EYS: variants seen among roughly 807,000 people sequenced by gnomAD.
EYS encodes EGF-like photoreceptor maintenance factor.
EYS carries 250 observed loss-of-function variants against 282.1 expected under a neutral mutation model. That is an observed-to-expected ratio of 0.89 (90% CI 0.80 to 0.98). The LOEUF (loss-of-function observed/expected upper bound fraction) is 0.98, where lower values mean the gene tolerates loss of function less well. Among genes scored for constraint, EYS ranks in the 50% least tolerant of loss-of-function variants. The pLI is 0.00. For missense variants in EYS, 4,016 were observed against 3,709.0 expected, an observed-to-expected ratio of 1.08 and a Z score of -2.15; for synonymous variants, 1,355 against 1,282.9, an observed-to-expected ratio of 1.06 and a Z score of -1.20.
intron 12 of EYS, among the ~76,000 whole-genome samples, chr6:65,150,695 C>T (rs1233277896): frequency 1.5e-5 from 1 of 66,090 alleles, no homozygotes; most frequent in Non-Finnish European, 2.9e-5. Context: ...TTTAATATCA[C>T]TCTCTAGAGC....
intron 29 of EYS, among the ~76,000 whole-genome samples, chr6:64,380,972 G>C (rs1247443124): frequency 6.7e-6 from 1 of 149,786 alleles, no homozygotes; most frequent in Admixed American, 6.7e-5. Flanking sequence ...CCGAGAAATC[G>C]TGCCACTGCA....
At chr6:65,396,506 C>T (rs1766284849) in intron 7 of EYS, among the ~76,000 whole-genome samples, 1 of 152,036 alleles carries the variant, frequency 6.6e-6, no homozygotes, top group Non-Finnish European at 1.5e-5. Context: ...TCTATAATCA[C>T]TAATTGCATA....
At chr6:64,675,145 T>G (rs914174126) in intron 22 of EYS, among the ~76,000 whole-genome samples, 19 of 152,182 alleles carry the variant, frequency 1.2e-4, no homozygotes, top group African/African-American at 4.6e-4. Flanking sequence ...CATTTTTGGC[T>G]CATTTTTTCT....
chr6:63,926,634 CAGTT>C (rs571361650), intron 35 of EYS, among the ~76,000 whole-genome samples: 118 of 152,282 alleles, frequency 7.7e-4, no homozygotes, highest in Non-Finnish European at 1.5e-3. Context: ...CACATTTTGA[CAGTT>C]AGTCCAGACA....
chr6:65,378,184 C>T (rs759798714), intron 8 of EYS, among the ~76,000 whole-genome samples: 3 of 152,088 alleles, frequency 2.0e-5, no homozygotes, highest in Non-Finnish European at 4.4e-5. Context: ...AACAAATTTA[C>T]AAGACAAAAA....
intron 5 of EYS, among the ~76,000 whole-genome samples, chr6:65,445,250 T>C (rs1432423082): frequency 6.6e-6 from 1 of 151,856 alleles, no homozygotes; most frequent in Non-Finnish European, 1.5e-5. Context: ...TTGTACTAGG[T>C]GGAAAATGAT....
At chr6:65,475,811 A>T (rs1765383550) in intron 5 of EYS, among the ~76,000 whole-genome samples, 1 of 151,852 alleles carries the variant, frequency 6.6e-6, no homozygotes, top group South Asian at 2.1e-4. Context: ...AAAGAGAGAC[A>T]TTAGCACTTT....
intron 29 of EYS, among the ~76,000 whole-genome samples, chr6:64,349,611 T>C (rs1360409468): frequency 6.6e-6 from 1 of 151,312 alleles, no homozygotes; most frequent in Admixed American, 6.6e-5. Flanking sequence ...TTTATTTAAG[T>C]TGAAAATTCT....
intron 26 of EYS, among the ~76,000 whole-genome samples, chr6:64,538,972 A>G (rs35623328): frequency 0.12 from 18,041 of 152,224 alleles, 1,340 homozygotes; most frequent in South Asian, 0.22. Flanking sequence ...GCTCTAAATT[A>G]GTGCTCTTAT....
intron 2 of EYS, among the ~76,000 whole-genome samples, chr6:65,587,061 A>G (rs1191458495): frequency 1.3e-5 from 2 of 152,202 alleles, no homozygotes; most frequent in East Asian, 3.9e-4. Context: ...TATGCATTAA[A>G]TGTTCCATAT....
chr6:64,263,025 T>C (rs1767639122), intron 30 of EYS, among the ~76,000 whole-genome samples: 1 of 151,932 alleles, frequency 6.6e-6, no homozygotes, highest in African/African-American at 2.4e-5. Flanking sequence ...TTCTGCAGGC[T>C]ATGGAAGCTT....
At chr6:64,799,682 C>A (rs951533941) in intron 22 of EYS, among the ~76,000 whole-genome samples, 26 of 149,542 alleles carry the variant, frequency 1.7e-4, no homozygotes, top group Admixed American at 5.4e-4. Flanking sequence ...TATATAAGTA[C>A]ATATATAATT....
intron 31 of EYS, among the ~76,000 whole-genome samples, chr6:64,128,939 G>A (rs1773874797): frequency 1.3e-5 from 2 of 152,154 alleles, no homozygotes; most frequent in African/African-American, 2.4e-5. Flanking sequence ...AGTTCTCTCT[G>A]AGGGATGACA....
chr6:65,439,561 C>T (rs9342477), intron 5 of EYS, among the ~76,000 whole-genome samples: 28,162 of 151,892 alleles, frequency 0.19, 3,256 homozygotes, highest in Middle Eastern at 0.3. Context: ...AAGAGGTCCT[C>T]CACATCCCTT....
chr6:64,181,858 C>T (rs1764796438), intron 31 of EYS, among the ~76,000 whole-genome samples: 1 of 152,028 alleles, frequency 6.6e-6, no homozygotes, highest in South Asian at 2.1e-4. Context: ...GCAAGCAATT[C>T]ATTTTTGTTC....
intron 24 of EYS, among the ~76,000 whole-genome samples, chr6:64,610,404 A>ATTTTTTTTTTTTTTTTTTT (rs10536697): frequency 1.0e-5 from 1 of 100,172 alleles, no homozygotes. Context: ...TGTTGTAAGA[A>ATTTTTTTTTTTTTTTTTTT]TTTTTTTTTT....
At chr6:65,474,455 T>C (rs1449989387) in intron 5 of EYS, among the ~76,000 whole-genome samples, 3 of 152,078 alleles carry the variant, frequency 2.0e-5, no homozygotes, top group African/African-American at 7.2e-5. Context: ...AAATATAATA[T>C]ACAGAGAATG....
At chr6:64,581,840 A>C (rs540764639) in intron 26 of EYS, among the ~76,000 whole-genome samples, 1 of 152,228 alleles carries the variant, frequency 6.6e-6, no homozygotes, top group South Asian at 2.1e-4. Flanking sequence ...AGTGTCTACC[A>C]CTGTCTATGT....
intron 29 of EYS, among the ~76,000 whole-genome samples, chr6:64,379,302 T>C (rs1409082867): frequency 5.3e-5 from 8 of 152,292 alleles, no homozygotes; most frequent in African/African-American, 9.6e-5. Context: ...TTGAGTTACA[T>C]AGACCACACT....
Sources: gnomAD v4.1 joint callset for allele counts (sites outside exome capture counted in the v4.1 genomes callset) on GRCh38, gnomAD v4.1.1 for gene constraint, MANE v1.5 for transcripts, NCBI Gene and HGNC (gene_info 2026-07-23, HGNC 2026-07-21) for gene names.